CAB39: variants seen among roughly 807,000 people sequenced by gnomAD.
CAB39 encodes calcium-binding protein 39.
Under a neutral mutation model 40.0 loss-of-function variants are expected in CAB39, and 8 were observed. The ratio of observed to expected loss-of-function variants is 0.20; its 90% CI spans 0.12 to 0.36. CAB39 has a LOEUF of 0.36. CAB39 is among the 10% of genes least tolerant of loss of function. The pLI is 1.00. For synonymous variants in CAB39, 156 were observed against 141.6 expected (o/e 1.10, Z -0.72); for missense variants, 270 against 401.1 (o/e 0.67, Z 2.79).
At chr2:230,720,879 GAC>G (rs1211856498) in intron 1 of CAB39, among the ~76,000 whole-genome samples, 1 of 152,122 alleles carries the variant, frequency 6.6e-6, no homozygotes, top group African/African-American at 2.4e-5. Flanking sequence ...CCGTTAACAT[GAC>G]CCATGTAGAT....
intron 5 of CAB39, among the ~76,000 whole-genome samples, chr2:230,803,276 A>G (rs1282732420): frequency 6.6e-6 from 1 of 152,244 alleles, no homozygotes; most frequent in Admixed American, 6.5e-5. Context: ...AGAGCTATTT[A>G]TGACAAACCC....
chr2:230,773,324 G>A (rs1188463386), intron 2 of CAB39, among the ~76,000 whole-genome samples: 8 of 150,488 alleles, frequency 5.3e-5, no homozygotes, highest in African/African-American at 1.5e-4. Context: ...ATGTGTGTGT[G>A]TGTGTGTGTG....
At chr2:230,728,614 T>C (rs1694630153) in intron 1 of CAB39, among the ~76,000 whole-genome samples, 1 of 152,128 alleles carries the variant, frequency 6.6e-6, no homozygotes, top group African/African-American at 2.4e-5. Context: ...AATTTATCTT[T>C]TATATGTTTT....
chr2:230,730,446 T>C (rs1694667004), intron 1 of CAB39, among the ~76,000 whole-genome samples: 1 of 7,746 alleles, frequency 1.3e-4, no homozygotes, highest in African/African-American at 4.1e-3. Flanking sequence ...AAAACTTTTC[T>C]TTTTTTTTTT....
chr2:230,791,016 T>A lies in CAB39; in HGVS notation c.259T>A (p.Leu87Ile). Residue 87 changes from leucine (L) to isoleucine (I), a missense_variant, in exon 3 of 9, where the codon TTA (leucine) becomes ATA (isoleucine). Physicochemically the swap from Leu to Ile is conservative, Grantham distance 5. Transcript: ENST00000258418. ...GCTCCTTAGCACCCTGGTAGCTGAT[T>A]TACAGCTCATTGACTTTGAGGTAAG... ...SGLLSTLVADLQLIDFEGKKD... is the reference protein window; with the variant it reads ...SGLLSTLVADIQLIDFEGKKD... The A allele has an allele frequency of 6.3e-7, 1 of 1,592,844 alleles. No individual in the cohort carries two copies. The highest frequency in any genetic ancestry group is 8.5e-7 in the Non-Finnish European group (1 of 1,173,600).
At chr2:230,729,489 G>A (rs973291729) in intron 1 of CAB39, among the ~76,000 whole-genome samples, 1 of 152,102 alleles carries the variant, frequency 6.6e-6, no homozygotes, top group Non-Finnish European at 1.5e-5. Context: ...GGTGGCTCAC[G>A]CCTGGAATCC....
At chr2:230,716,171 C>CTATA (rs1283328509) in intron 1 of CAB39, among the ~76,000 whole-genome samples, 1 of 152,106 alleles carries the variant, frequency 6.6e-6, no homozygotes, top group Non-Finnish European at 1.5e-5. Context: ...AGGCTGTATA[C>CTATA]GTTTCCTAAA....
chr2:230,738,182 A>G (rs1575910992), intron 1 of CAB39, among the ~76,000 whole-genome samples: 1 of 152,144 alleles, frequency 6.6e-6, no homozygotes, highest in East Asian at 1.9e-4. Context: ...GTCTGTACCT[A>G]TTAGTCTTCC....
At chr2:230,775,395 C>G (rs111460395) in intron 2 of CAB39, among the ~76,000 whole-genome samples, 1,921 of 151,848 alleles carry the variant, frequency 0.013, 41 homozygotes, top group African/African-American at 0.045. Flanking sequence ...GTTGCCATGC[C>G]CAGCTAATTT....
At chr2:230,722,693 T>C (rs75993346) in intron 1 of CAB39, among the ~76,000 whole-genome samples, 1,637 of 152,374 alleles carry the variant, frequency 0.011, 33 homozygotes, top group African/African-American at 0.036. Flanking sequence ...GTGCTGTAAG[T>C]GTCCAATACA....
chr2:230,777,140 AAT>A (rs1695606238), intron 2 of CAB39, among the ~76,000 whole-genome samples: 1 of 151,198 alleles, frequency 6.6e-6, no homozygotes, highest in African/African-American at 2.5e-5. Context: ...GTCATGTTCT[AAT>A]GATGTATATG....
intron 1 of CAB39, among the ~76,000 whole-genome samples, chr2:230,749,490 A>G (rs59617173): frequency 0.04 from 6,106 of 152,310 alleles, 421 homozygotes; most frequent in African/African-American, 0.14. Context: ...AAAAATATAA[A>G]TATCAATTCA....
chr2:230,725,968 CATTT>C (rs1179202351), intron 1 of CAB39, among the ~76,000 whole-genome samples: 11 of 152,226 alleles, frequency 7.2e-5, no homozygotes, highest in African/African-American at 2.4e-4. Context: ...AAGCTACATC[CATTT>C]ATTTATTAAC....
chr2:230,720,855 G>GA (rs1428604151), intron 1 of CAB39, among the ~76,000 whole-genome samples: 1 of 152,166 alleles, frequency 6.6e-6, no homozygotes, highest in Non-Finnish European at 1.5e-5. Flanking sequence ...ATAGCAGGGA[G>GA]ACAGAAACTC....
At chr2:230,774,724 C>T (rs1342921762) in intron 2 of CAB39, among the ~76,000 whole-genome samples, 1 of 152,136 alleles carries the variant, frequency 6.6e-6, no homozygotes, top group Non-Finnish European at 1.5e-5. Context: ...GGAGTAGCCT[C>T]TTCATAGCAT....
chr2:230,714,082 C>G (rs1694304818), intron 1 of CAB39: 1 of 151,568 alleles, frequency 6.6e-6, no homozygotes, highest in African/African-American at 2.4e-5. Context: ...GTAGCAAAAG[C>G]GAGAAGACAA....
intron 6 of CAB39, among the ~76,000 whole-genome samples, chr2:230,811,908 G>T (rs907122837): frequency 2.0e-5 from 3 of 152,164 alleles, no homozygotes; most frequent in African/African-American, 4.8e-5. Flanking sequence ...CCTACATGTT[G>T]TTAATAGATG....
chr2:230,801,495 A>C (rs1294167959), intron 5 of CAB39, among the ~76,000 whole-genome samples: 2 of 152,194 alleles, frequency 1.3e-5, no homozygotes, highest in Non-Finnish European at 2.9e-5. Flanking sequence ...GCCCTCCCAG[A>C]AAACGTGCTC....
At chr2:230,814,916 A>G (rs903547116) in intron 7 of CAB39, among the ~76,000 whole-genome samples, 4 of 152,258 alleles carry the variant, frequency 2.6e-5, no homozygotes, top group African/African-American at 7.2e-5. Flanking sequence ...GGGGAAAATC[A>G]TAATTCCATT....
Sources: allele counts gnomAD v4.1 joint callset (sites outside exome capture counted in the v4.1 genomes callset), GRCh38; gene constraint gnomAD v4.1.1; transcripts MANE v1.5; gene names NCBI Gene and HGNC (gene_info 2026-07-23, HGNC 2026-07-21).